Variants in PRKN observed in about 807,000 individuals in gnomAD.
The protein encoded by PRKN is parkin RBR E3 ubiquitin protein ligase, also known as E3 ubiquitin-protein ligase parkin.
PRKN carries 56 observed loss-of-function variants against 59.5 expected under a neutral mutation model. The ratio of observed to expected loss-of-function variants is 0.94; its 90% confidence interval spans 0.76 to 1.18. The LOEUF (loss-of-function observed/expected upper bound fraction) is 1.18, where lower values mean the gene tolerates loss of function less well. Among genes scored for constraint, PRKN ranks in the 50% most tolerant of loss-of-function variants. The pLI is 0.00. For missense variants in PRKN, 657 were observed against 596.4 expected, an observed-to-expected ratio of 1.10 and a Z score of -1.06; for synonymous variants, 250 against 222.1, an observed-to-expected ratio of 1.13 and a Z score of -1.12.
intron 9 of PRKN, among the ~76,000 whole-genome samples, chr6:161,418,238 G>A (rs541275550): frequency 2.6e-5 from 4 of 152,314 alleles, no homozygotes; most frequent in Admixed American, 1.3e-4. Context: ...CTGCCAATCT[G>A]TTTACTCCAC....
intron 2 of PRKN, among the ~76,000 whole-genome samples, chr6:162,417,041 G>A (rs1315053812): frequency 6.6e-6 from 1 of 152,156 alleles, no homozygotes; most frequent in Admixed American, 6.5e-5. Context: ...AGTCCAGAGA[G>A]ACATGTGCAT....
rs186484006 is a variant in PRKN, at chr6:162,616,808, C to A, written c.7+110854G>T. 3.3e-3 allele frequency among the ~76,000 whole-genome samples: 495 copies of A among 152,198 alleles called. 4 individuals carry two copies. Among genetic ancestry groups the A allele is most frequent in the Admixed American group, 5.3e-3 (81 of 15,282 alleles). Reference sequence around the variant, plus strand: ...CCTTTGCTATACTTCGCAATATAATCGAGAAATGCTCTTTTAAAGTCAGCA... The same window carrying A: ...CCTTTGCTATACTTCGCAATATAATAGAGAAATGCTCTTTTAAAGTCAGCA... On this transcript the variant is annotated intron_variant, in intron 1 of 11. Coordinates refer to ENST00000366898, the MANE Select transcript of PRKN (RefSeq NM_004562.3).
At chr6:161,660,969 T>C (rs1187604545) in intron 7 of PRKN, among the ~76,000 whole-genome samples, 1 of 152,190 alleles carries the variant, frequency 6.6e-6, no homozygotes, top group Non-Finnish European at 1.5e-5. Context: ...TCTTTCACTC[T>C]GCTGCCTGTC....
In PRKN at chr6:161,579,757, C is replaced by G. The variant is rs1306391041; in HGVS notation, c.872-10341G>C. ...GGTAAAGTGGAATGGGGCAGGGGAA[C>G]AGAAAAGAGTTTATAGTTTTACAAG... On this transcript the variant is annotated intron_variant, in intron 7 of 11. Transcript: ENST00000366898. The surrounding 1 kb of genome is among the most constrained non-coding windows in gnomAD (Gnocchi z 4.2). Among the ~76,000 whole-genome samples, 2 of 152,106 alleles carry G rather than the reference C, an allele frequency of 1.3e-5. No homozygotes were observed.
At chr6:161,485,285 G>T (rs1791597225) in intron 9 of PRKN, among the ~76,000 whole-genome samples, 1 of 152,128 alleles carries the variant, frequency 6.6e-6, no homozygotes, top group Admixed American at 6.5e-5. Context: ...CTAGTGTGTG[G>T]TGTGATAAAA....
intron 6 of PRKN, among the ~76,000 whole-genome samples, chr6:161,910,961 A>G (rs1175750484): frequency 6.6e-6 from 1 of 152,252 alleles, no homozygotes; most frequent in Non-Finnish European, 1.5e-5. Context: ...AACACTTAAT[A>G]GACTACAACA....
chr6:161,665,942 G>A (rs1187382410), intron 7 of PRKN, among the ~76,000 whole-genome samples: 3 of 152,074 alleles, frequency 2.0e-5, no homozygotes, highest in Non-Finnish European at 4.4e-5. Context: ...CCCATGCCCA[G>A]CATGGACATC....
chr6:161,791,009 T>G (rs1790615528), intron 6 of PRKN, among the ~76,000 whole-genome samples: 1 of 152,160 alleles, frequency 6.6e-6, no homozygotes, highest in South Asian at 2.1e-4. Flanking sequence ...GGACTTATCC[T>G]CTCATGGGTC....
chr6:162,114,994 G>C (rs1374071617), intron 4 of PRKN, among the ~76,000 whole-genome samples: 12 of 151,346 alleles, frequency 7.9e-5, no homozygotes, highest in Admixed American at 7.2e-4. Context: ...CCCATTACTG[G>C]GTATATACCC....
intron 6 of PRKN, among the ~76,000 whole-genome samples, chr6:161,910,175 GAA>G (rs1423487701): frequency 6.6e-6 from 1 of 152,190 alleles, no homozygotes; most frequent in Non-Finnish European, 1.5e-5. Flanking sequence ...GATGAACAAA[GAA>G]AGTTGTTTCT....
intron 4 of PRKN, among the ~76,000 whole-genome samples, chr6:162,061,174 T>C (rs968339366): frequency 3.9e-4 from 59 of 152,190 alleles, no homozygotes; most frequent in African/African-American, 1.4e-3. Context: ...CATTCCAAAC[T>C]TAGTACTCTT....
At chr6:161,629,420 A>C (rs886374959) in intron 7 of PRKN, among the ~76,000 whole-genome samples, 4 of 151,922 alleles carry the variant, frequency 2.6e-5, no homozygotes, top group Admixed American at 1.3e-4. Flanking sequence ...GTTGCTGCCC[A>C]ATCACCCCTC....
chr6:162,048,661 A>G (rs1777490392), intron 5 of PRKN, among the ~76,000 whole-genome samples: 1 of 151,842 alleles, frequency 6.6e-6, no homozygotes. Context: ...CCACATAGGA[A>G]GAAGAATAAT....
chr6:162,294,211 C>G (rs1276050852), intron 2 of PRKN, among the ~76,000 whole-genome samples: 1 of 152,118 alleles, frequency 6.6e-6, no homozygotes, highest in Non-Finnish European at 1.5e-5. Context: ...TCAGCTGGAA[C>G]CCTTGGCCAG....
intron 9 of PRKN, among the ~76,000 whole-genome samples, chr6:161,426,522 A>G (rs1229071301): frequency 6.6e-6 from 1 of 151,962 alleles, no homozygotes; most frequent in South Asian, 2.1e-4. Context: ...GCCCTTGAAC[A>G]TCGAACTCCA....
intron 7 of PRKN, among the ~76,000 whole-genome samples, chr6:161,710,653 G>C (rs1224758184): frequency 2.6e-5 from 4 of 152,132 alleles, no homozygotes; most frequent in Non-Finnish European, 5.9e-5. Flanking sequence ...CTAGAGAACT[G>C]TTCTAGGCCA....
intron 6 of PRKN, among the ~76,000 whole-genome samples, chr6:161,886,622 G>A (rs755045078): frequency 1.3e-5 from 2 of 152,046 alleles, no homozygotes; most frequent in Admixed American, 6.6e-5. Context: ...ACTTGAACCC[G>A]GGAGGTGGAG....
chr6:162,200,889 T>C (rs905789269), intron 4 of PRKN, among the ~76,000 whole-genome samples: 2 of 152,166 alleles, frequency 1.3e-5, no homozygotes, highest in Non-Finnish European at 2.9e-5. Flanking sequence ...CTTCCTTTCA[T>C]AGGCCTGGAT....
chr6:161,900,472 ATG>A (rs1199464406), intron 6 of PRKN, among the ~76,000 whole-genome samples: 1 of 142,270 alleles, frequency 7.0e-6, no homozygotes, highest in East Asian at 2.0e-4. Flanking sequence ...ATAATTTACT[ATG>A]TAATATATAA....
Sources: allele counts gnomAD v4.1 joint callset (sites outside exome capture counted in the v4.1 genomes callset), GRCh38; gene constraint gnomAD v4.1.1; non-coding constraint Gnocchi (gnomAD v3.1); transcripts MANE v1.5; gene names NCBI Gene and HGNC (gene_info 2026-07-23, HGNC 2026-07-21).